DOCK9: variants seen among roughly 807,000 people sequenced by gnomAD.
The protein encoded by DOCK9 is dedicator of cytokinesis protein 9.
DOCK9 carries 89 observed loss-of-function variants against 263.3 expected under a neutral mutation model. That is an observed-to-expected ratio of 0.34 (90% CI 0.28 to 0.40). The LOEUF is 0.40. DOCK9 is among the 10% of genes least tolerant of loss of function. The pLI is 1.00. For missense variants in DOCK9, 2,140 were observed against 2,603.4 expected (o/e 0.82, Z 3.87); for synonymous variants, 976 against 973.1 (o/e 1.00, Z -0.06).
In DOCK9 at chr13:98,825,305, C is replaced by G. The variant is rs1452883742; in HGVS notation, c.5024-801G>C. Among the ~76,000 whole-genome samples, 44 of 152,214 alleles carry G rather than the reference C, an allele frequency of 2.9e-4. No individual in the cohort carries two copies. Among genetic ancestry groups the G allele is most frequent in the Admixed American group, 2.9e-3 (44 of 15,286 alleles). On this transcript the variant is annotated intron_variant, in intron 44 of 52. Coordinates refer to ENST00000682017, the MANE Select transcript of DOCK9 (RefSeq NM_001366683.2). The surrounding 1 kb of genome is among the most constrained non-coding windows in gnomAD (Gnocchi z 4.1). ...GTGAAGAAGGGCATGAGATGTTCCA[C>G]TACTCTATTTTGAGATAACTGTTCA...
intron 26 of DOCK9, 104 bp downstream of exon 26, chr13:98,880,443 G>T: frequency 6.8e-7 from 1 of 1,460,044 alleles, no homozygotes; most frequent in Non-Finnish European, 9.4e-7. Context: ...TTAGGGAGTG[G>T]TGTTTGTCTC....
At chr13:98,933,696 A>G (rs1243577771) in intron 2 of DOCK9, among the ~76,000 whole-genome samples, 1 of 152,202 alleles carries the variant, frequency 6.6e-6, no homozygotes, top group East Asian at 1.9e-4. Context: ...ACTACACACT[A>G]TTTGATCTCT....
intron 1 of DOCK9, among the ~76,000 whole-genome samples, chr13:98,990,759 G>T (rs1778019667): frequency 6.6e-6 from 1 of 152,156 alleles, no homozygotes; most frequent in South Asian, 2.1e-4. Context: ...CCCAGTTAAT[G>T]GGCTCACTTT....
intron 1 of DOCK9, among the ~76,000 whole-genome samples, chr13:99,083,285 T>C (rs534027148): frequency 6.6e-5 from 10 of 151,526 alleles, no homozygotes; most frequent in Non-Finnish European, 1.5e-4. Context: ...CTAAGGCTCA[T>C]GAAAGAGCTA....
At chr13:98,839,475 A>G (rs946335188) in intron 38 of DOCK9, among the ~76,000 whole-genome samples, 1 of 152,218 alleles carries the variant, frequency 6.6e-6, no homozygotes, top group Non-Finnish European at 1.5e-5. Flanking sequence ...GAAATACAAC[A>G]CCTGTTATCA....
intron 1 of DOCK9, chr13:99,015,822 G>A (rs1430946479): frequency 8.0e-7 from 1 of 1,249,242 alleles, no homozygotes; most frequent in South Asian, 3.1e-5. Flanking sequence ...AAACAGGAGG[G>A]GTGGTGCAAA....
chr13:99,067,358 T>G (rs530117940), intron 1 of DOCK9, among the ~76,000 whole-genome samples: 1 of 152,256 alleles, frequency 6.6e-6, no homozygotes, highest in South Asian at 2.1e-4. Flanking sequence ...CATCAAGAAC[T>G]CAAAAATGAC....
Position 98,977,675 on chromosome 13 carries a change from A to G in DOCK9, c.126+109T>C, listed in dbSNP as rs1875351303. 11 of 1,017,666 alleles carry G rather than the reference A, an allele frequency of 1.1e-5. No individual in the cohort carries two copies. The South Asian group carries it at 2.0e-4, about 18-fold the overall frequency. 63.0% of individuals were successfully genotyped at this position (1,017,666 alleles called of 1,614,324 possible). ...AGTGGAGTTCACAAGGGACAAGCAG[A>G]GCAAGTTTTGAAATCAAAGACAGGC... is the stretch of plus-strand genomic sequence containing the variant. On this transcript the variant is annotated intron_variant, in intron 1 of 52. Transcript: ENST00000682017.
intron 27 of DOCK9, among the ~76,000 whole-genome samples, chr13:98,878,884 G>T (rs2044287839): frequency 6.6e-6 from 1 of 152,174 alleles, no homozygotes; most frequent in African/African-American, 2.4e-5. Flanking sequence ...CCCTTGTGCA[G>T]GAGGCCTAGA....
chr13:98,794,402 A>C lies in DOCK9; in HGVS notation c.*224T>G. 1 of 563,014 alleles carries C rather than the reference A, an allele frequency of 1.8e-6. No individual in the cohort carries two copies. The highest frequency in any genetic ancestry group is 3.1e-6 in the Non-Finnish European group (1 of 322,662). The allele number at this position is 563,014 out of a possible 1,614,324, so 34.9% of individuals were successfully genotyped here. A position where few individuals can be genotyped will look rare whatever the true frequency, so the allele number is the denominator to read the frequency against. ...GTGTCTACCACACCTTTGTTAAGAC[A>C]CAATGAAAACTTTGAATATTGCCAG... On this transcript the variant is annotated 3_prime_UTR_variant, in exon 53 of 53. Transcript: ENST00000682017.
intron 9 of DOCK9, 31 bp downstream of exon 9, chr13:98,914,297 A>G (rs763985803): frequency 6.3e-6 from 10 of 1,584,028 alleles, no homozygotes; most frequent in African/African-American, 1.3e-5. Context: ...ACAGCATTCA[A>G]CGAAGAGCAG....
In DOCK9 at chr13:98,925,717, A is replaced by C. The variant is rs1304641414; in HGVS notation, c.416+120T>G. ...TGTAAACAATAGTTACACCACATAC[A>C]CATAAACCATCTAAAAATATTTTCC... On this transcript the variant is annotated intron_variant, in intron 4 of 52. Transcript: ENST00000682017. 3 of 642,750 alleles carry C rather than the reference A, an allele frequency of 4.7e-6. No homozygotes were observed. The African/African-American group carries it at 5.5e-5, about 12-fold the overall frequency. The allele number at this position is 642,750 out of a possible 1,614,324, so 39.8% of individuals were successfully genotyped here. A position where few individuals can be genotyped will look rare whatever the true frequency, so the allele number is the denominator to read the frequency against.
rs960728202 is a variant in DOCK9 at position 98,993,278 on chromosome 13, G to A, written c.130-37727C>T. Among the ~76,000 whole-genome samples, 64 of 152,180 alleles carry A rather than the reference G, an allele frequency of 4.2e-4. 1 individual carries two copies. The highest frequency in any genetic ancestry group is 1.1e-3 in the African/African-American group (46 of 41,430). The stretch of plus-strand genomic sequence containing the variant: ...TGGTAACTTGATCATTACGGACCCC[G>A]TATGAGACTCCAAATTCCTAATTCT... On this transcript the variant is annotated intron_variant, in intron 1 of 32. Coordinates refer to the DOCK9 transcript ENST00000427887.
intron 1 of DOCK9, among the ~76,000 whole-genome samples, chr13:98,996,890 T>C (rs1208115446): frequency 6.6e-6 from 1 of 152,222 alleles, no homozygotes; most frequent in East Asian, 1.9e-4. Context: ...GCAAACAGCA[T>C]AGTTTTACCC....
At chr13:99,067,882 T>G (rs1260186960) in intron 1 of DOCK9, among the ~76,000 whole-genome samples, 2 of 151,740 alleles carry the variant, frequency 1.3e-5, no homozygotes, top group Non-Finnish European at 2.9e-5. Context: ...TTTTTTTTTT[T>G]TTTTAAATGT....
At chr13:98,836,879 T>C (rs1378295956) in intron 39 of DOCK9, among the ~76,000 whole-genome samples, 2 of 152,200 alleles carry the variant, frequency 1.3e-5, no homozygotes, top group Non-Finnish European at 2.9e-5. Context: ...CTCATTCAAT[T>C]TCTCCTTTCT....
intron 34 of DOCK9, among the ~76,000 whole-genome samples, chr13:98,855,312 G>A (rs2093679598): frequency 6.6e-6 from 1 of 152,212 alleles, no homozygotes; most frequent in Non-Finnish European, 1.5e-5. Context: ...AGTGGCTCAC[G>A]CCTGTAATCC....
At chr13:98,985,806 G>T (rs955961341) in intron 1 of DOCK9, among the ~76,000 whole-genome samples, 6 of 151,920 alleles carry the variant, frequency 3.9e-5, no homozygotes, top group Non-Finnish European at 8.8e-5. Context: ...TTGAGCGCTG[G>T]TGAGGAGGGC....
intron 2 of DOCK9, among the ~76,000 whole-genome samples, chr13:98,933,603 TCATC>T (rs1263633963): frequency 1.3e-5 from 2 of 152,368 alleles, no homozygotes; most frequent in African/African-American, 4.8e-5. Context: ...CCCAGAGACT[TCATC>T]CAATTAAACT....
Sources: gnomAD v4.1 joint callset for allele counts (sites outside exome capture counted in the v4.1 genomes callset) on GRCh38, gnomAD v4.1.1 for gene constraint, Gnocchi (gnomAD v3.1) non-coding constraint, MANE v1.5 for transcripts, NCBI Gene and HGNC (gene_info 2026-07-23, HGNC 2026-07-21) for gene names.